Variants in WDFY4 observed in about 807,000 individuals in gnomAD.
WDFY4 encodes WD repeat- and FYVE domain-containing protein 4.
Under a neutral mutation model 351.9 loss-of-function variants are expected in WDFY4, and 169 were observed. The ratio of observed to expected loss-of-function variants is 0.48; its 90% CI spans 0.42 to 0.55. The LOEUF is 0.55. Among genes scored for constraint, WDFY4 ranks in the 20% least tolerant of loss-of-function variants. The probability of loss-of-function intolerance (pLI) is 0.00; values close to 1 mark genes in which losing one functional copy is unlikely to be tolerated. For missense variants in WDFY4, 3,803 were observed against 3,935.6 expected (o/e 0.97, Z 0.90); for synonymous variants, 1,622 against 1,574.6 (o/e 1.03, Z -0.71).
chr10:48,913,273 C>T (rs561084063), intron 47 of WDFY4: 37 of 941,998 alleles, frequency 3.9e-5, no homozygotes, highest in Middle Eastern at 6.3e-4. Context: ...GTTTTATGGG[C>T]TTGGCTGAAA....
intron 47 of WDFY4, among the ~76,000 whole-genome samples, chr10:48,903,303 G>A (rs775993045): frequency 1.4e-4 from 22 of 152,294 alleles, no homozygotes; most frequent in East Asian, 1.2e-3. Context: ...GATGGGAAGC[G>A]TTGGAGGATT....
chr10:48,685,881 C>A (rs909807937), intron 1 of WDFY4, among the ~76,000 whole-genome samples: 2 of 150,874 alleles, frequency 1.3e-5, no homozygotes, highest in Admixed American at 6.6e-5. Context: ...GTCTACGGTG[C>A]TCAGCAGGTG....
rs553100108 is a variant in WDFY4 at position 48,752,066 on chromosome 10, C to T, written c.2460-8281C>T. Among the ~76,000 whole-genome samples the T allele has an allele frequency of 2.1e-4, 32 of 152,302 alleles. 1 individual carries two copies. The highest frequency in any genetic ancestry group is 1.2e-3 in the Admixed American group (19 of 15,288). ...CACAGGTCCCTTGCGAGATACAAGC[C>T]GTCTGGGAACACCAGGTCAGGTGGG... On this transcript the variant is annotated intron_variant, in intron 12 of 61. Transcript: ENST00000325239.
chr10:48,964,681 C>A (rs1414918385), intron 54 of WDFY4, among the ~76,000 whole-genome samples: 1 of 152,212 alleles, frequency 6.6e-6, no homozygotes, highest in Non-Finnish European at 1.5e-5. Flanking sequence ...TCACCTGGGC[C>A]TTCTACTCTG....
At chr10:48,815,713 A>G (rs1221307715) in intron 31 of WDFY4, among the ~76,000 whole-genome samples, 1 of 151,514 alleles carries the variant, frequency 6.6e-6, no homozygotes, top group East Asian at 1.9e-4. Context: ...CCCTTTTAGC[A>G]CACAGTTAGA....
At chr10:48,815,930 A>G (rs2067606097) in intron 31 of WDFY4, among the ~76,000 whole-genome samples, 1 of 152,130 alleles carries the variant, frequency 6.6e-6, no homozygotes, top group Non-Finnish European at 1.5e-5. Flanking sequence ...TGACATCAGT[A>G]TTATGCTAAT....
At position 48,743,543 on chromosome 10, in the gene WDFY4, G is replaced by A. The variant is rs997354569; in HGVS notation, c.2454G>A (p.Glu818=). ...QRNFKQWPDL[E]ERMDEGDAAI... ...ACTTCAAGCAGTGGCCAGACCTGGA[G>A]GAGAGGTAGCTTCTTCTGCCAGTGT... is the stretch of plus-strand genomic sequence containing the variant. The change falls in exon 12 of 62, where the codon GAG becomes GAA. Residue 818 remains glutamate (E), a synonymous_variant. Coordinates refer to ENST00000325239, the MANE Select transcript of WDFY4 (RefSeq NM_001394531.1). 1 of 1,531,618 alleles carries A rather than the reference G, an allele frequency of 6.5e-7. No individual in the cohort carries two copies. The highest frequency in any genetic ancestry group is 2.5e-5 in the East Asian group (1 of 40,672). The allele number at this position is 1,531,618 out of a possible 1,614,324, so 94.9% of individuals were successfully genotyped here.
At chr10:48,911,168 G>C (rs1017815757) in intron 47 of WDFY4, among the ~76,000 whole-genome samples, 2 of 152,134 alleles carry the variant, frequency 1.3e-5, no homozygotes, top group Non-Finnish European at 2.9e-5. Flanking sequence ...CCTACAGCAT[G>C]GTGTCTCATC....
intron 1 of WDFY4, among the ~76,000 whole-genome samples, chr10:48,689,990 G>T (rs2063153371): frequency 6.6e-6 from 1 of 152,212 alleles, no homozygotes. Flanking sequence ...TAAAGCCTGT[G>T]CACTTGCATT....
At chr10:48,853,010 C>T (rs1046362312) in intron 39 of WDFY4, among the ~76,000 whole-genome samples, 3 of 152,192 alleles carry the variant, frequency 2.0e-5, no homozygotes, top group Non-Finnish European at 4.4e-5. Context: ...CCAATTTCTA[C>T]AGCCAAACCC....
intron 47 of WDFY4, among the ~76,000 whole-genome samples, chr10:48,902,498 C>T (rs1837408100): frequency 6.6e-6 from 1 of 151,778 alleles, no homozygotes; most frequent in Non-Finnish European, 1.5e-5. Flanking sequence ...AGAGGGTGTC[C>T]CCAGGAATGA....
intron 2 of WDFY4, among the ~76,000 whole-genome samples, chr10:48,716,539 T>C (rs1435052748): frequency 6.6e-6 from 1 of 152,202 alleles, no homozygotes; most frequent in Admixed American, 6.5e-5. Context: ...GTCCCCATGG[T>C]ACCATTTAGT....
intron 44 of WDFY4, among the ~76,000 whole-genome samples, chr10:48,896,352 A>C (rs1382808826): frequency 6.6e-6 from 1 of 152,204 alleles, no homozygotes; most frequent in African/African-American, 2.4e-5. Context: ...AAGGAGAATT[A>C]CCACTATGGC....
At position 48,966,505 on chromosome 10, in the gene WDFY4, GTCTGT is replaced by G. The variant is rs375152714; in HGVS notation, c.8437-18_8437-14del. 6.5e-6 allele frequency: 10 copies of G among 1,550,260 alleles called. No individual in the cohort carries two copies. The East Asian group carries it at 2.4e-4, about 38-fold the overall frequency. ...TCTGGGCATCTCTCCCCTCATGTGT[GTCTGT>G]TCCCTGTCTCTCTAGCTCTTTACCA... On this transcript the variant is annotated splice_polypyrimidine_tract_variant and intron_variant, in intron 54 of 61. Transcript: ENST00000325239.
intron 39 of WDFY4, among the ~76,000 whole-genome samples, chr10:48,863,143 A>G (rs1273859999): frequency 6.6e-6 from 1 of 152,218 alleles, no homozygotes; most frequent in Non-Finnish European, 1.5e-5. Flanking sequence ...ACTATTATGA[A>G]TAATATTGCT....
intron 9 of WDFY4, among the ~76,000 whole-genome samples, chr10:48,732,615 A>G (rs1288832344): frequency 1.3e-5 from 2 of 152,228 alleles, no homozygotes; most frequent in Non-Finnish European, 2.9e-5. Context: ...GATCTTGAGA[A>G]AGTGACTTAA....
At chr10:48,922,595 T>C (rs1045400196) in intron 47 of WDFY4, among the ~76,000 whole-genome samples, 1 of 152,198 alleles carries the variant, frequency 6.6e-6, no homozygotes, top group Non-Finnish European at 1.5e-5. Flanking sequence ...AACTTTATCA[T>C]AGGCATGTTT....
At chr10:48,719,209 T>C (rs983328233) in intron 2 of WDFY4, among the ~76,000 whole-genome samples, 5 of 152,212 alleles carry the variant, frequency 3.3e-5, no homozygotes, top group African/African-American at 1.2e-4. Context: ...ATTTTTTATA[T>C]ACAAAGAGCT....
rs537900724 is a variant in WDFY4, at chr10:48,794,481, T to C, written c.4258-1817T>C. Reference sequence around the variant, plus strand: ...GGCTCTGGAGCTCAGGGACAGGCTGTGCTGGAGGTGTAAATATGAGGGTCA... The same window carrying C: ...GGCTCTGGAGCTCAGGGACAGGCTGCGCTGGAGGTGTAAATATGAGGGTCA... On this transcript the variant is annotated intron_variant, in intron 23 of 61. Coordinates refer to ENST00000325239, the MANE Select transcript of WDFY4 (RefSeq NM_001394531.1). Among the ~76,000 whole-genome samples the C allele has an allele frequency of 3.3e-5, 5 of 152,250 alleles. No homozygotes were observed. The East Asian group carries it at 7.7e-4, about 24-fold the overall frequency.
Sources: gnomAD v4.1 joint callset for allele counts (sites outside exome capture counted in the v4.1 genomes callset) on GRCh38, gnomAD v4.1.1 for gene constraint, MANE v1.5 for transcripts, NCBI Gene and HGNC (gene_info 2026-07-23, HGNC 2026-07-21) for gene names.